Variants in NEURL1B observed in about 807,000 individuals in gnomAD.
NEURL1B encodes E3 ubiquitin-protein ligase NEURL1B.
Under a neutral mutation model 37.4 loss-of-function variants are expected in NEURL1B, and 13 were observed. That is an observed-to-expected ratio of 0.35 (90% CI 0.23 to 0.55). The LOEUF is 0.55. NEURL1B is among the 20% of genes least tolerant of loss of function. NEURL1B has a pLI of 0.89. For missense variants in NEURL1B, 790 were observed against 879.2 expected (o/e 0.90, Z 1.28); for synonymous variants, 432 against 426.6 (o/e 1.01, Z -0.16).
At chr5:172,655,721 G>A (rs1224634648) in intron 1 of NEURL1B, among the ~76,000 whole-genome samples, 1 of 150,656 alleles carries the variant, frequency 6.6e-6, no homozygotes, top group Non-Finnish European at 1.5e-5. Context: ...TTGCTGGCCA[G>A]TGTTTGTTTT....
In NEURL1B at chr5:172,686,518, A is replaced by G. The variant is rs1265153177; in HGVS notation, c.1424-163A>G. ...TTATCTTGGTGTTTGGGAGTAGAAG[A>G]GTAGAGAAAGGTGCAAAACCTGCAA... On this transcript the variant is annotated intron_variant, in intron 4 of 4. Coordinates refer to ENST00000369800, the MANE Select transcript of NEURL1B (RefSeq NM_001142651.3). This position sits in a 1 kb window ranked among gnomAD's most constrained non-coding sequence, Gnocchi z 7.9. 1.3e-5 allele frequency among the ~76,000 whole-genome samples: 2 copies of G among 152,100 alleles called. No individual in the cohort carries two copies. The highest frequency in any genetic ancestry group is 2.9e-5 in the Non-Finnish European group (2 of 68,030).
chr5:172,674,163 A>T (rs1758184262), intron 2 of NEURL1B, among the ~76,000 whole-genome samples: 1 of 152,120 alleles, frequency 6.6e-6, no homozygotes, highest in Admixed American at 6.5e-5. Context: ...TAAATTAAAT[A>T]AAAACATGTA....
In NEURL1B at chr5:172,665,439, G is replaced by A. The variant is rs536580656; in HGVS notation, c.32-4346G>A. Among the ~76,000 whole-genome samples, 4 of 152,176 alleles carry A rather than the reference G, an allele frequency of 2.6e-5. No homozygotes were observed. Among genetic ancestry groups the A allele is most frequent in the Admixed American group, 6.5e-5 (1 of 15,288 alleles). On this transcript the variant is annotated intron_variant, in intron 1 of 4. Coordinates refer to ENST00000369800, the MANE Select transcript of NEURL1B (RefSeq NM_001142651.3). This position sits in a 1 kb window ranked among gnomAD's most constrained non-coding sequence, Gnocchi z 4.1. ...GAGATGGCCCACAGCCTGACTCTGC[G>A]TCCACCCTCCTTGCTGCCCTGGAGG...
intron 1 of NEURL1B, among the ~76,000 whole-genome samples, chr5:172,650,732 C>A (rs1445518570): frequency 6.6e-6 from 1 of 152,190 alleles, no homozygotes; most frequent in Non-Finnish European, 1.5e-5. Flanking sequence ...CAATGGTGAG[C>A]GCACACTTGG....
At chr5:172,678,354 C>G (rs777471963) in intron 2 of NEURL1B, among the ~76,000 whole-genome samples, 7 of 152,164 alleles carry the variant, frequency 4.6e-5, no homozygotes, top group Non-Finnish European at 8.8e-5. Context: ...ACTGTTGACT[C>G]CCAAACCCAT....
chr5:172,660,040 C>T (rs1561644394), intron 1 of NEURL1B, among the ~76,000 whole-genome samples: 3 of 152,172 alleles, frequency 2.0e-5, no homozygotes, highest in Admixed American at 6.5e-5. Flanking sequence ...TGCATGTACC[C>T]GGCAGCCAGC....
intron 1 of NEURL1B, among the ~76,000 whole-genome samples, chr5:172,645,553 A>G (rs1486454754): frequency 6.6e-6 from 1 of 152,152 alleles, no homozygotes; most frequent in Non-Finnish European, 1.5e-5. Flanking sequence ...CCTTCCAGCC[A>G]TGGCAATACT....
At chr5:172,646,284 G>A (rs773629820) in intron 1 of NEURL1B, among the ~76,000 whole-genome samples, 2 of 152,202 alleles carry the variant, frequency 1.3e-5, no homozygotes, top group African/African-American at 2.4e-5. Context: ...GCTCCTTCAC[G>A]GTTGGTGGGG....
At chr5:172,679,448 G>C (rs534769849) in intron 2 of NEURL1B, among the ~76,000 whole-genome samples, 1 of 152,226 alleles carries the variant, frequency 6.6e-6, no homozygotes, top group Non-Finnish European at 1.5e-5. Context: ...GTCTCGACAC[G>C]CTCCCTCGGT....
At chr5:172,663,054 A>AAATAATAATAATAATAAT (rs141585182) in intron 1 of NEURL1B, among the ~76,000 whole-genome samples, 3,141 of 148,052 alleles carry the variant, frequency 0.021, 134 homozygotes, top group African/African-American at 0.074. Context: ...CTGACTCTAC[A>AAATAATAATAATAATAAT]AATAATAATA....
At chr5:172,658,341 G>A (rs1220034973) in intron 1 of NEURL1B, among the ~76,000 whole-genome samples, 1 of 152,210 alleles carries the variant, frequency 6.6e-6, no homozygotes, top group African/African-American at 2.4e-5. Context: ...GGGGAAGGGA[G>A]CAGAAGTCCA....
At position 172,687,089 on chromosome 5, in the gene NEURL1B, G is replaced by C; in HGVS notation, c.*164G>C. The stretch of plus-strand genomic sequence containing the variant: ...GCGAGGCCCACAGGGCCTCAGCCCA[G>C]GCAGGGGTTGCTTCTGGCTCCAAAG... On this transcript the variant is annotated 3_prime_UTR_variant, in exon 5 of 5. Coordinates refer to ENST00000369800, the MANE Select transcript of NEURL1B (RefSeq NM_001142651.3). The C allele has an allele frequency of 1.2e-6, 1 of 827,518 alleles. No homozygotes were observed. The allele number at this position is 827,518 out of a possible 1,614,324, so 51.3% of individuals were successfully genotyped here. A position where few individuals can be genotyped will look rare whatever the true frequency, so the allele number is the denominator to read the frequency against.
At chr5:172,680,865 A>G (rs1758337638) in intron 2 of NEURL1B, among the ~76,000 whole-genome samples, 1 of 152,220 alleles carries the variant, frequency 6.6e-6, no homozygotes, top group African/African-American at 2.4e-5. Context: ...ATTTTTTCCC[A>G]TAAAAATTTG....
At chr5:172,644,404 C>A (rs1757523984) in intron 1 of NEURL1B, among the ~76,000 whole-genome samples, 1 of 152,192 alleles carries the variant, frequency 6.6e-6, no homozygotes, top group African/African-American at 2.4e-5. Flanking sequence ...CTGTGGCCTC[C>A]CAGCCCGTGA....
At chr5:172,674,463 C>A (rs1280056177) in intron 2 of NEURL1B, among the ~76,000 whole-genome samples, 1 of 152,132 alleles carries the variant, frequency 6.6e-6, no homozygotes. Context: ...TAGCTTAGAA[C>A]CACCAAGACG....
intron 1 of NEURL1B, chr5:172,656,413 C>A (rs1475014495): frequency 1.3e-6 from 1 of 768,392 alleles, no homozygotes; most frequent in South Asian, 1.8e-5. Context: ...TCCAAGACAA[C>A]ACTTAATTCC....
chr5:172,684,186 C>G (rs946777669), intron 3 of NEURL1B, 48 bp downstream of exon 3: 13 of 1,191,854 alleles, frequency 1.1e-5, no homozygotes, highest in African/African-American at 8.0e-5. Flanking sequence ...TCCCCCGTCC[C>G]GTGCCGTCTC....
Position 172,687,178 on chromosome 5 carries a change from C to T in NEURL1B, c.*253C>T. On this transcript the variant is annotated 3_prime_UTR_variant, in exon 5 of 5. Coordinates refer to ENST00000369800, the MANE Select transcript of NEURL1B (RefSeq NM_001142651.3). ...GGAACTGCCTGGCAGATCACCCTGT[C>T]CCTTGGTGACCTTTCAACTGGGAAA... 1 of 451,432 alleles carries T rather than the reference C, an allele frequency of 2.2e-6. No individual in the cohort carries two copies. Among genetic ancestry groups the T allele is most frequent in the East Asian group, 3.6e-5 (1 of 27,496 alleles). 28.0% of individuals were successfully genotyped at this position (451,432 alleles called of 1,614,324 possible). A position where few individuals can be genotyped will look rare whatever the true frequency, so the allele number is the denominator to read the frequency against.
chr5:172,672,634 T>C (rs1236762489), intron 2 of NEURL1B, among the ~76,000 whole-genome samples: 1 of 150,242 alleles, frequency 6.7e-6, no homozygotes, highest in East Asian at 2.0e-4. Context: ...GGAACACCAC[T>C]GTGACATGGC....
Sources: allele counts gnomAD v4.1 joint callset (sites outside exome capture counted in the v4.1 genomes callset), GRCh38; gene constraint gnomAD v4.1.1; non-coding constraint Gnocchi (gnomAD v3.1); transcripts MANE v1.5; gene names NCBI Gene and HGNC (gene_info 2026-07-23, HGNC 2026-07-21).